The following ERVFRD-1 variants were observed in gnomAD, a reference collection of about 807,000 sequenced individuals.
The protein encoded by ERVFRD-1 is endogenous retrovirus group FRD member 1, envelope.
In ERVFRD-1, 33 loss-of-function variants were observed where a neutral mutation model predicts 43.8. The ratio of observed to expected loss-of-function variants is 0.75; its 90% confidence interval spans 0.57 to 1.01. The LOEUF (loss-of-function observed/expected upper bound fraction) is 1.01. Ranked by LOEUF, ERVFRD-1 falls within the 50% of genes least tolerant of loss-of-function variation. ERVFRD-1 has a pLI of 0.00. For synonymous variants in ERVFRD-1, 239 were observed against 244.4 expected, an observed-to-expected ratio of 0.98 and a Z score of 0.21; for missense variants, 568 against 658.4, an observed-to-expected ratio of 0.86 and a Z score of 1.50.
Position 11,104,828 on chromosome 6 carries a change from GTA to G in ERVFRD-1, c.481_482del (p.Tyr161HisfsTer27), listed in dbSNP as rs1561752921. The G allele has an allele frequency of 1.2e-6, 2 of 1,614,206 alleles. No homozygotes were observed. The highest frequency in any genetic ancestry group is 4.5e-5 in the East Asian group (2 of 44,880). ...GTTGATGGCGGAATTGGTTGTGGGT[GTA>G]TGTTTGGTAAGTCTGTTGGTTAGAA... ...VDSNQQTYQT[Y>X]THNQFRHQPR... On this transcript the variant is annotated frameshift_variant, in exon 2 of 2. Transcript: ENST00000472091. LOFTEE classifies it high-confidence loss of function.
At position 11,105,560 on chromosome 6, in the gene ERVFRD-1, A is replaced by T. The variant is rs1298486641; in HGVS notation, c.-250T>A. The T allele has an allele frequency of 2.2e-6, 1 of 444,702 alleles. No homozygotes were observed. The highest frequency in any genetic ancestry group is 4.2e-5 in the East Asian group (1 of 23,946). 27.5% of individuals were successfully genotyped at this position (444,702 alleles called of 1,614,324 possible). On this transcript the variant is annotated 5_prime_UTR_variant, in exon 2 of 2. Transcript: ENST00000472091. ...CTGAGGTTGCTGGTTCTGGCTCTGG[A>T]GTTTAAGGGCTTTTCCACAGCTTCA...
intron 1 of ERVFRD-1, among the ~76,000 whole-genome samples, chr6:11,109,601 G>A (rs1355237445): frequency 6.6e-6 from 1 of 152,158 alleles, no homozygotes; most frequent in African/African-American, 2.4e-5. Context: ...CCAGCACATA[G>A]GGGATTTCTG....
chr6:11,105,370 A>G lies in ERVFRD-1; in HGVS notation c.-60T>C, dbSNP rs1758070500. The G allele has an allele frequency of 7.7e-7, 1 of 1,294,094 alleles. No homozygotes were observed. Among genetic ancestry groups the G allele is most frequent in the African/African-American group, 1.5e-5 (1 of 67,630 alleles). 80.2% of individuals were successfully genotyped at this position (1,294,094 alleles called of 1,614,324 possible). On this transcript the variant is annotated 5_prime_UTR_variant, in exon 2 of 2. Transcript: ENST00000472091. ...GCCAATGGAACTCCTGGTGGTGTAC[A>G]AGTTAGGGTTAAAATAGTGATAACA... is the stretch of plus-strand genomic sequence containing the variant.
rs1298718264 is a variant in ERVFRD-1 at position 11,103,564 on chromosome 6, G to A, written c.*130C>T. The A allele has an allele frequency of 3.7e-6, 5 of 1,362,800 alleles. No individual in the cohort carries two copies. Among genetic ancestry groups the A allele is most frequent in the East Asian group, 5.0e-5 (2 of 39,688 alleles). 84.4% of individuals were successfully genotyped at this position (1,362,800 alleles called of 1,614,324 possible). ...TGTAGTGGTTGTTCTGTGGGTCTTG[G>A]CCTCTTGCTAGCTGTCAGGGCAGGA... On this transcript the variant is annotated 3_prime_UTR_variant, in exon 2 of 2. Transcript: ENST00000472091.
In ERVFRD-1 at chr6:11,104,992, G is replaced by A. The variant is rs775489257; in HGVS notation, c.319C>T (p.Pro107Ser). The A allele has an allele frequency of 1.2e-6, 2 of 1,614,064 alleles. No individual in the cohort carries two copies. The highest frequency in any genetic ancestry group is 2.7e-5 in the African/African-American group (2 of 74,908). Reference protein sequence around the residue: ...KQDFPDIRQKPPIFGPIFTNI... With the variant: ...KQDFPDIRQKSPIFGPIFTNI... The stretch of plus-strand genomic sequence containing the variant: ...GTAAAGATGGGTCCGAAAATGGGAG[G>A]TTTCTGGCGGATATCAGGGAAATCT... The change falls in exon 2 of 2, where the codon CCT (proline) becomes TCT (serine). Residue 107 changes from proline (P) to serine (S), a missense_variant. Pro to Ser is a moderately conservative substitution (Grantham distance 74, BLOSUM62 -1). Coordinates refer to ENST00000472091, the MANE Select transcript of ERVFRD-1 (RefSeq NM_207582.3).
At chr6:11,108,684 C>T (rs943481266) in intron 1 of ERVFRD-1, among the ~76,000 whole-genome samples, 1 of 152,178 alleles carries the variant, frequency 6.6e-6, no homozygotes, top group Non-Finnish European at 1.5e-5. Context: ...TGAGCCCTTT[C>T]CTACTCCTCC....
intron 1 of ERVFRD-1, among the ~76,000 whole-genome samples, chr6:11,107,896 C>T (rs1019720819): frequency 1.3e-5 from 2 of 152,218 alleles, no homozygotes; most frequent in East Asian, 1.9e-4. Context: ...ACAAGGATAG[C>T]TAGAAGGATT....
chr6:11,107,628 C>A (rs529415792), intron 1 of ERVFRD-1, among the ~76,000 whole-genome samples: 1 of 152,136 alleles, frequency 6.6e-6, no homozygotes, highest in Non-Finnish European at 1.5e-5. Context: ...AAGAAAGAGT[C>A]TTTAAGGTCT....
Position 11,105,286 on chromosome 6 carries a change from T to C in ERVFRD-1, c.25A>G (p.Ile9Val), listed in dbSNP as rs754919840. ...TAGGCTGCTAGTGAAGGCGTGAGAA[T>C]GAGAACCAGCAGGAGCAGGCCCATG... Reference protein sequence around the residue: MGLLLLVLILTPSLAAYRH... With the variant: MGLLLLVLVLTPSLAAYRH... The change falls in exon 2 of 2, where the codon ATT (isoleucine) becomes GTT (valine). Residue 9 changes from isoleucine (I) to valine (V), a missense_variant. Physicochemically the swap from Ile to Val is conservative, Grantham distance 29. Transcript: ENST00000472091. The C allele has an allele frequency of 1.9e-6, 3 of 1,613,760 alleles. No homozygotes were observed. Among genetic ancestry groups the C allele is most frequent in the Non-Finnish European group, 2.5e-6 (3 of 1,179,848 alleles).
At position 11,104,316 on chromosome 6, in the gene ERVFRD-1, T is replaced by C. The variant is rs770346037; in HGVS notation, c.995A>G (p.Asn332Ser). The change falls in exon 2 of 2, where the codon AAT becomes AGT. Residue 332 changes from asparagine to serine, a missense_variant. Asn to Ser is a conservative substitution (Grantham distance 46). Coordinates refer to ENST00000472091, the MANE Select transcript of ERVFRD-1 (RefSeq NM_207582.3). ...VTPDIFIAPG[N>S]LSLPIPIYGN... ...ATAGATTGGTATTGGAAGAGAGAGA[T>C]TGCCAGGGGCTATGAAGATGTCTGG... 6.5e-5 allele frequency: 101 copies of C among 1,551,552 alleles called. No individual in the cohort carries two copies. The Middle Eastern group carries it at 8.3e-4, about 13-fold the overall frequency.
chr6:11,109,215 G>C (rs995409609), intron 1 of ERVFRD-1, among the ~76,000 whole-genome samples: 3 of 152,212 alleles, frequency 2.0e-5, no homozygotes, highest in Non-Finnish European at 4.4e-5. Flanking sequence ...GGTGAGTTCA[G>C]ATGTTAAGCC....
At chr6:11,107,507 C>G (rs1758104559) in intron 1 of ERVFRD-1, among the ~76,000 whole-genome samples, 2 of 152,224 alleles carry the variant, frequency 1.3e-5, no homozygotes, top group Non-Finnish European at 1.5e-5. Flanking sequence ...TGGGGACTGT[C>G]TCTGAAACCC....
chr6:11,108,586 C>T (rs910879106), intron 1 of ERVFRD-1, among the ~76,000 whole-genome samples: 25 of 152,332 alleles, frequency 1.6e-4, no homozygotes, highest in African/African-American at 6.0e-4. Context: ...GCAAAGGGAT[C>T]TCCCTGGGGC....
At position 11,105,261 on chromosome 6, in the gene ERVFRD-1, T is replaced by G. The variant is rs767097648; in HGVS notation, c.50A>C (p.Tyr17Ser). ...CAATAACGGGAAATCAGGATGGCGG[T>G]AGGCTGCTAGTGAAGGCGTGAGAAT... Reference protein sequence around the residue: ...VLILTPSLAAYRHPDFPLLEK... With the variant: ...VLILTPSLAASRHPDFPLLEK... Residue 17 changes from tyrosine to serine, a missense_variant, in exon 2 of 2, where the codon TAC becomes TCC. Physicochemically the swap from Tyr to Ser is moderately radical, Grantham distance 144. Coordinates refer to ENST00000472091, the MANE Select transcript of ERVFRD-1 (RefSeq NM_207582.3). 2 of 1,614,014 alleles carry G rather than the reference T, an allele frequency of 1.2e-6. No homozygotes were observed. The highest frequency in any genetic ancestry group is 1.7e-6 in the Non-Finnish European group (2 of 1,179,986).
Position 11,105,593 on chromosome 6 carries a change from G to C in ERVFRD-1, c.-283C>G, listed in dbSNP as rs1758073645. On this transcript the variant is annotated 5_prime_UTR_variant, in exon 2 of 2. Transcript: ENST00000472091. Reference sequence around the variant, plus strand: ...GGCTTTTCCACAGCTTCACTTGGGTGTGATGGATCTAGCTGGCAGTCTCCA... The same window carrying C: ...GGCTTTTCCACAGCTTCACTTGGGTCTGATGGATCTAGCTGGCAGTCTCCA... 2 of 378,700 alleles carry C rather than the reference G, an allele frequency of 5.3e-6. No homozygotes were observed. Among genetic ancestry groups the C allele is most frequent in the Non-Finnish European group, 1.0e-5 (2 of 198,808 alleles). 23.5% of individuals were successfully genotyped at this position (378,700 alleles called of 1,614,324 possible).
At position 11,111,447 on chromosome 6, in the gene ERVFRD-1, G is replaced by T. The variant is rs999888693; in HGVS notation, c.-321+230C>A. On this transcript the variant is annotated intron_variant, in intron 1 of 1. Coordinates refer to ENST00000472091, the MANE Select transcript of ERVFRD-1 (RefSeq NM_207582.3). ...TCTCATCAGCCTCCTGTCTGGGGGGGCCATTAGTGTCTCAGGTCTACTTAG... is the reference window on the plus strand; with the variant it reads ...TCTCATCAGCCTCCTGTCTGGGGGGTCCATTAGTGTCTCAGGTCTACTTAG... Among the ~76,000 whole-genome samples, 195 of 152,278 alleles carry T rather than the reference G, an allele frequency of 1.3e-3. 5 individuals are homozygous for T. In the East Asian group the frequency reaches 0.034, roughly 27 times the overall value.
chr6:11,109,297 T>G (rs1371451375), intron 1 of ERVFRD-1, among the ~76,000 whole-genome samples: 1 of 152,180 alleles, frequency 6.6e-6, no homozygotes, highest in Non-Finnish European at 1.5e-5. Context: ...TTAATTTGGC[T>G]CAGGTCTTGC....
At chr6:11,108,378 G>A (rs562359289) in intron 1 of ERVFRD-1, among the ~76,000 whole-genome samples, 4 of 152,320 alleles carry the variant, frequency 2.6e-5, no homozygotes, top group South Asian at 2.1e-4. Flanking sequence ...CAAGTGGAGC[G>A]TAGGGCCCCC....
chr6:11,108,025 AG>A (rs146090700), intron 1 of ERVFRD-1, among the ~76,000 whole-genome samples: 1 of 152,286 alleles, frequency 6.6e-6, no homozygotes, highest in East Asian at 1.9e-4. Context: ...GGTTTCCTTG[AG>A]GCATAAGATT....
Sources: allele counts gnomAD v4.1 joint callset (sites outside exome capture counted in the v4.1 genomes callset), GRCh38; gene constraint gnomAD v4.1.1; transcripts MANE v1.5; gene names NCBI Gene and HGNC (gene_info 2026-07-23, HGNC 2026-07-21).